Variants in CCDC144A observed in about 807,000 individuals in gnomAD.
The protein encoded by CCDC144A is coiled-coil domain containing 144A, also known as coiled-coil domain-containing protein 144A.
A neutral mutation model predicts 143.8 loss-of-function variants in CCDC144A; 41 were observed. The observed-to-expected ratio is 0.29, with a 90% CI of 0.22 to 0.37. The LOEUF (loss-of-function observed/expected upper bound fraction) is 0.37, where lower values mean the gene tolerates loss of function less well. CCDC144A is among the 10% of genes least tolerant of loss of function. The pLI is 1.00. For missense variants in CCDC144A, 637 were observed against 1,488.8 expected, an observed-to-expected ratio of 0.43 and a Z score of 9.41; for synonymous variants, 242 against 517.9, an observed-to-expected ratio of 0.47 and a Z score of 7.23.
chr17:16,679,088 C>CG, the CCDC144A span, among the ~76,000 whole-genome samples: 1,451 of 149,454 alleles, frequency 9.7e-3, 14 homozygotes, highest in South Asian at 0.014. Flanking sequence ...GTAGAGATGG[C>CG]GGGGGGGGGT....
Position 16,773,780 on chromosome 17 carries a change from C to T in CCDC144A, c.*147C>T, listed in dbSNP as rs1317606784. 8.5e-6 allele frequency: 8 copies of T among 937,114 alleles called. No homozygotes were observed. Among genetic ancestry groups the T allele is most frequent in the Non-Finnish European group, 1.0e-5 (7 of 682,974 alleles). The allele number at this position is 937,114 out of a possible 1,614,324, so 58.0% of individuals were successfully genotyped here. ...TAGTATTTTAAATAATGTTTCTTGG[C>T]CTCTTCAGCTAACTTTTAAGTGGAT... On this transcript the variant is annotated 3_prime_UTR_variant, in exon 17 of 17. Coordinates refer to ENST00000399273, the MANE Select transcript of CCDC144A (RefSeq NM_001382000.1).
chr17:16,752,327 C>T (rs1010195765), intron 12 of CCDC144A, among the ~76,000 whole-genome samples: 29 of 152,300 alleles, frequency 1.9e-4, no homozygotes, highest in Admixed American at 1.3e-4. Context: ...CCCACCCCAC[C>T]GTCTGTGGAA....
the CCDC144A span, chr17:16,683,427 G>A: frequency 1.9e-5 from 20 of 1,054,490 alleles, no homozygotes; most frequent in Admixed American, 4.9e-4. Context: ...CCTGGTGCCG[G>A]GAGTGAGCGA....
the CCDC144A span, among the ~76,000 whole-genome samples, chr17:16,675,126 G>A: frequency 2.0e-4 from 31 of 151,744 alleles, no homozygotes; most frequent in Non-Finnish European, 3.4e-4. Context: ...AAAATCAGCC[G>A]GGTGTGGTGG....
the CCDC144A span, among the ~76,000 whole-genome samples, chr17:16,678,585 C>CTTTCTTT: frequency 0.053 from 7,230 of 136,754 alleles, 310 homozygotes; most frequent in Middle Eastern, 0.096. Flanking sequence ...TTTTTCTTTT[C>CTTTCTTT]TTTTTTTTTT....
rs1213566156 is a variant in CCDC144A at position 16,756,589 on chromosome 17, C to T, written c.3373-4836C>T. 2.7e-5 allele frequency among the ~76,000 whole-genome samples: 4 copies of T among 147,798 alleles called. 1 individual carries two copies. The highest frequency in any genetic ancestry group is 1.1e-4 in the African/African-American group (4 of 37,898). On this transcript the variant is annotated intron_variant, in intron 12 of 16. Transcript: ENST00000399273. ...GATTCCTTTGTATTATTGTGTATCT[C>T]GCTATGTTTCCTTAAGATCATTATT... is the stretch of plus-strand genomic sequence containing the variant.
Position 16,735,032 on chromosome 17 carries a change from G to C in CCDC144A, c.2761G>C (p.Ala921Pro), listed in dbSNP as rs751126521. The C allele has an allele frequency of 6.2e-7, 1 of 1,612,188 alleles. No homozygotes were observed. The highest frequency in any genetic ancestry group is 8.5e-7 in the Non-Finnish European group (1 of 1,179,656). Reference protein sequence around the residue: ...IEMESYRCRLAAAVRDCDQSQ... With the variant: ...IEMESYRCRLPAAVRDCDQSQ... ...AATGGAATCATACCGTTGTAGACTA[G>C]CTGCTGCTGTACGTGACTGTGATCA... is the stretch of plus-strand genomic sequence containing the variant. Residue 921 changes from alanine to proline, a missense_variant, in exon 12 of 17, where the codon GCT becomes CCT. By Grantham distance (27) the Ala-to-Pro change is conservative. Transcript: ENST00000399273.
Position 16,693,505 on chromosome 17 carries a change from T to C in CCDC144A, c.415+456T>C, listed in dbSNP as rs373739237. Among the ~76,000 whole-genome samples the C allele has an allele frequency of 4.1e-4, 63 of 152,086 alleles. 1 individual carries two copies. Among genetic ancestry groups the C allele is most frequent in the Non-Finnish European group, 7.9e-4 (54 of 67,974 alleles). ...TAATTTTTTGTATTTTTAGTAGAGA[T>C]GGGGTTTCACCGTGTTAGCCAGGAT... On this transcript the variant is annotated intron_variant, in intron 2 of 16. Coordinates refer to ENST00000399273, the MANE Select transcript of CCDC144A (RefSeq NM_001382000.1).
chr17:16,722,298 A>G (rs1332312290), intron 8 of CCDC144A, among the ~76,000 whole-genome samples: 3 of 152,188 alleles, frequency 2.0e-5, no homozygotes, highest in Non-Finnish European at 4.4e-5. Context: ...ATGATGTATT[A>G]TCCTTCTAAT....
intron 15 of CCDC144A, among the ~76,000 whole-genome samples, chr17:16,771,082 G>A (rs992356012): frequency 2.0e-5 from 3 of 152,084 alleles, no homozygotes. Context: ...CCCGTTCTAG[G>A]CATTTAGTGA....
At chr17:16,743,432 G>C (rs1914346778) in intron 12 of CCDC144A, among the ~76,000 whole-genome samples, 2 of 152,084 alleles carry the variant, frequency 1.3e-5, no homozygotes. Flanking sequence ...TCTCTATTCT[G>C]TTCCATTGGT....
At chr17:16,711,868 A>G (rs1425376322) in intron 6 of CCDC144A, 53 bp downstream of exon 6, 1 of 1,551,704 alleles carries the variant, frequency 6.4e-7, no homozygotes, top group South Asian at 1.2e-5. Flanking sequence ...GTGGTGGCTC[A>G]CGCCTGTAAT....
chr17:16,672,273 A>G, the CCDC144A span, among the ~76,000 whole-genome samples: 1 of 152,064 alleles, frequency 6.6e-6, no homozygotes, highest in Non-Finnish European at 1.5e-5. Context: ...TATGTTTGGT[A>G]GATCAGATAA....
At chr17:16,690,182 G>T (rs1348351363), upstream of CCDC144A, 6 of 384,672 alleles carry the variant, frequency 1.6e-5, no homozygotes, top group African/African-American at 2.1e-5. Flanking sequence ...CACAGGTTCC[G>T]TGATGTCACA....
At chr17:16,717,103 CTTTTT>C (rs1195816990) in intron 6 of CCDC144A, among the ~76,000 whole-genome samples, 4 of 126,538 alleles carry the variant, frequency 3.2e-5, no homozygotes, top group Admixed American at 8.1e-5. Context: ...GCTCGGCCAG[CTTTTT>C]TTTTTTTTTT....
chr17:16,724,283 A>G (rs1297477157), intron 8 of CCDC144A, among the ~76,000 whole-genome samples: 1 of 152,042 alleles, frequency 6.6e-6, no homozygotes, highest in Non-Finnish European at 1.5e-5. Flanking sequence ...CACGCCTGTA[A>G]TCCCAGCACT....
rs947596470 is a variant in CCDC144A at position 16,720,778 on chromosome 17, T to C, written c.1891+120T>C. On this transcript the variant is annotated intron_variant, in intron 8 of 16. Transcript: ENST00000399273. ...CTCAGAAATACGCTCAGTGTTAAAATAGAGAACTAACTTATACTCTACGCC... is the reference window on the plus strand; with the variant it reads ...CTCAGAAATACGCTCAGTGTTAAAACAGAGAACTAACTTATACTCTACGCC... The C allele has an allele frequency of 6.2e-5, 93 of 1,499,260 alleles. No homozygotes were observed. The East Asian group carries it at 1.6e-3, about 26-fold the overall frequency. 92.9% of individuals were successfully genotyped at this position (1,499,260 alleles called of 1,614,324 possible). A position where few individuals can be genotyped will look rare whatever the true frequency, so the allele number is the denominator to read the frequency against.
rs1375470930 is a variant in CCDC144A, at chr17:16,775,165, A to G, written c.*1532A>G. The stretch of plus-strand genomic sequence containing the variant: ...CTTTGCTATTGTGAATAGTGCTGCA[A>G]TGAACATACGTGTGCGTGTATCTTT... On this transcript the variant is annotated 3_prime_UTR_variant, in exon 17 of 17. Transcript: ENST00000399273. 1.0e-4 allele frequency: 16 copies of G among 152,424 alleles called. No homozygotes were observed. Among genetic ancestry groups the G allele is most frequent in the South Asian group, 1.0e-3 (5 of 4,824 alleles). 9.4% of individuals were successfully genotyped at this position (152,424 alleles called of 1,614,324 possible).
At chr17:16,742,124 C>A (rs1046886967) in intron 12 of CCDC144A, among the ~76,000 whole-genome samples, 1 of 152,066 alleles carries the variant, frequency 6.6e-6, no homozygotes, top group African/African-American at 2.4e-5. Context: ...CCATATTCAC[C>A]CTACAATGCA....
Sources: gnomAD v4.1 joint callset for allele counts (sites outside exome capture counted in the v4.1 genomes callset) on GRCh38, gnomAD v4.1.1 for gene constraint, MANE v1.5 for transcripts, NCBI Gene and HGNC (gene_info 2026-07-23, HGNC 2026-07-21) for gene names.